Variants in DRC11 observed in about 807,000 individuals in gnomAD.
DRC11 encodes the protein IQ and AAA domain-containing protein 1.
the DRC11 span, among the ~76,000 whole-genome samples, chr2:236,343,482 C>A: frequency 4.2e-4 from 64 of 152,314 alleles, 2 homozygotes; most frequent in African/African-American, 1.5e-3. This position sits in a 1 kb window ranked among gnomAD's most constrained non-coding sequence, Gnocchi z 6.6. Context: ...ACACAGCCAG[C>A]TGTGTGAATG....
chr2:236,369,951 G>A, the DRC11 span, among the ~76,000 whole-genome samples: 1 of 152,152 alleles, frequency 6.6e-6, no homozygotes, highest in East Asian at 1.9e-4. This position sits in a 1 kb window ranked among gnomAD's most constrained non-coding sequence, Gnocchi z 4.5. Flanking sequence ...ACCAAACAGC[G>A]GCTGCACGAC....
At chr2:236,457,341 C>T in the DRC11 span, among the ~76,000 whole-genome samples, 1 of 152,234 alleles carries the variant, frequency 6.6e-6, no homozygotes, top group Non-Finnish European at 1.5e-5. This position sits in a 1 kb window ranked among gnomAD's most constrained non-coding sequence, Gnocchi z 4.7. Flanking sequence ...GAGGCTACCA[C>T]ACCAGACACT....
the DRC11 span, among the ~76,000 whole-genome samples, chr2:236,317,291 T>C: frequency 6.8e-6 from 1 of 147,544 alleles, no homozygotes. The surrounding 1 kb of genome is among the most constrained non-coding windows in gnomAD (Gnocchi z 5.4). Flanking sequence ...TGAGATTCCA[T>C]ATCGGGGGAA....
At chr2:236,362,906 G>A in the DRC11 span, among the ~76,000 whole-genome samples, 2 of 152,136 alleles carry the variant, frequency 1.3e-5, no homozygotes, top group Non-Finnish European at 2.9e-5. This position sits in a 1 kb window ranked among gnomAD's most constrained non-coding sequence, Gnocchi z 5.7. Flanking sequence ...TACTGCTGTC[G>A]CTCCCTAGTT....
At chr2:236,459,632 T>TATACGTATATACGTATATATGTATATAC in the DRC11 span, among the ~76,000 whole-genome samples, 669 of 139,538 alleles carry the variant, frequency 4.8e-3, 7 homozygotes, top group Middle Eastern at 7.6e-3. Flanking sequence ...TACATACGTA[T>TATACGTATATACGTATATATGTATATAC]ATACGTATAT....
At chr2:236,335,034 T>C in the DRC11 span, among the ~76,000 whole-genome samples, 4 of 152,130 alleles carry the variant, frequency 2.6e-5, no homozygotes, top group African/African-American at 9.7e-5. This position sits in a 1 kb window ranked among gnomAD's most constrained non-coding sequence, Gnocchi z 5.6. Flanking sequence ...TGAATGATGT[T>C]TGGTGAACCT....
the DRC11 span, among the ~76,000 whole-genome samples, chr2:236,415,862 T>C: frequency 6.6e-6 from 1 of 152,358 alleles, no homozygotes; most frequent in African/African-American, 2.4e-5. This position sits in a 1 kb window ranked among gnomAD's most constrained non-coding sequence, Gnocchi z 5.7. Flanking sequence ...CTTGTGCATA[T>C]TTAGAGGAAG....
chr2:236,451,267 G>C, the DRC11 span, among the ~76,000 whole-genome samples: 1 of 151,504 alleles, frequency 6.6e-6, no homozygotes, highest in Non-Finnish European at 1.5e-5. Flanking sequence ...TCCTTTCCTG[G>C]GAAGACCTAT....
chr2:236,373,644 T>A, the DRC11 span, among the ~76,000 whole-genome samples: 25 of 152,358 alleles, frequency 1.6e-4, no homozygotes, highest in African/African-American at 6.0e-4. Flanking sequence ...TCTTATTCTT[T>A]TTTTCTTATG....
chr2:236,359,213 C>G, the DRC11 span, among the ~76,000 whole-genome samples: 1 of 151,620 alleles, frequency 6.6e-6, no homozygotes, highest in African/African-American at 2.4e-5. The surrounding 1 kb of genome is among the most constrained non-coding windows in gnomAD (Gnocchi z 4.3). Flanking sequence ...ATATAGTAGA[C>G]TATATATACT....
chr2:236,316,916 C>T, the DRC11 span, among the ~76,000 whole-genome samples: 1 of 152,220 alleles, frequency 6.6e-6, no homozygotes, highest in African/African-American at 2.4e-5. The surrounding 1 kb of genome is among the most constrained non-coding windows in gnomAD (Gnocchi z 6.8). Flanking sequence ...CATATACAAA[C>T]AGCAGTGTGT....
At chr2:236,358,385 GAT>G in the DRC11 span, among the ~76,000 whole-genome samples, 1 of 128,076 alleles carries the variant, frequency 7.8e-6, no homozygotes, top group African/African-American at 2.9e-5. Flanking sequence ...ATATATTTAT[GAT>G]ATATGAATAT....
chr2:236,497,130 A>G, the DRC11 span: 5 of 1,507,794 alleles, frequency 3.3e-6, no homozygotes, highest in African/African-American at 7.6e-5. The surrounding 1 kb of genome is among the most constrained non-coding windows in gnomAD (Gnocchi z 5.1). Flanking sequence ...TAACAAAAAA[A>G]AGCAACTAAT....
chr2:236,462,243 C>G, the DRC11 span, among the ~76,000 whole-genome samples: 1 of 152,098 alleles, frequency 6.6e-6, no homozygotes, highest in African/African-American at 2.4e-5. The surrounding 1 kb of genome is among the most constrained non-coding windows in gnomAD (Gnocchi z 6.4). Context: ...GCCAGCAGAG[C>G]CGGGCTCAGA....
chr2:236,411,390 G>A, the DRC11 span, among the ~76,000 whole-genome samples: 6 of 150,130 alleles, frequency 4.0e-5, no homozygotes, highest in East Asian at 6.1e-4. Flanking sequence ...AAAAAGTCAG[G>A]CAACAACAGG....
chr2:236,331,306 G>GC, the DRC11 span: 9 of 1,241,568 alleles, frequency 7.2e-6, no homozygotes, highest in Non-Finnish European at 1.1e-5. This position sits in a 1 kb window ranked among gnomAD's most constrained non-coding sequence, Gnocchi z 4.8. Context: ...GAGGGAGGAG[G>GC]CAGCGTGAGG....
chr2:236,416,725 A>ATTTT, the DRC11 span, among the ~76,000 whole-genome samples: 2 of 16,004 alleles, frequency 1.2e-4, no homozygotes, highest in Admixed American at 8.1e-4. Flanking sequence ...ATATATTTAT[A>ATTTT]TATATATATA....
At chr2:236,486,756 CAGA>C in the DRC11 span, 4 of 1,006,574 alleles carry the variant, frequency 4.0e-6, no homozygotes, top group African/African-American at 3.2e-5. The surrounding 1 kb of genome is among the most constrained non-coding windows in gnomAD (Gnocchi z 5.7). Context: ...CAAAAACTCT[CAGA>C]AGAAGACACA....
chr2:236,405,986 CTG>C, the DRC11 span, among the ~76,000 whole-genome samples: 7 of 152,276 alleles, frequency 4.6e-5, no homozygotes, highest in Middle Eastern at 3.4e-3. The surrounding 1 kb of genome is among the most constrained non-coding windows in gnomAD (Gnocchi z 4.6). Context: ...AAAAGTGAAA[CTG>C]AGAATAAGGG....
Sources: gnomAD v4.1 joint callset for allele counts (sites outside exome capture counted in the v4.1 genomes callset) on GRCh38, gnomAD v4.1.1 for gene constraint, Gnocchi (gnomAD v3.1) non-coding constraint, MANE v1.5 for transcripts, NCBI Gene and HGNC (gene_info 2026-07-23, HGNC 2026-07-21) for gene names.